ZNF350: variants seen among roughly 807,000 people sequenced by gnomAD.
ZNF350 encodes the protein zinc finger protein 350.
In ZNF350, 5 loss-of-function variants were observed where a neutral mutation model predicts 13.1. That is an observed-to-expected ratio of 0.38 (90% CI 0.20 to 0.80). The LOEUF (loss-of-function observed/expected upper bound fraction) is 0.80. ZNF350 is among the 30% of genes least tolerant of loss of function. The pLI is 0.43. For synonymous variants in ZNF350, 199 were observed against 224.2 expected, an observed-to-expected ratio of 0.89 and a Z score of 1.00; for missense variants, 534 against 644.2, an observed-to-expected ratio of 0.83 and a Z score of 1.85.
At position 51,974,540 on chromosome 19, in the gene ZNF350, T is replaced by C; in HGVS notation, c.-171-9A>G. ...TCCTGAGGAGTCAGAACCTGTGGGTTGAAGAGCAAATTCAATGTAAGTGGT... is the reference window on the plus strand; with the variant it reads ...TCCTGAGGAGTCAGAACCTGTGGGTCGAAGAGCAAATTCAATGTAAGTGGT... On this transcript the variant is annotated splice_polypyrimidine_tract_variant and intron_variant, in intron 1 of 4. Transcript: ENST00000243644. The C allele has an allele frequency of 1.5e-6, 1 of 659,480 alleles. No individual in the cohort carries two copies. The highest frequency in any genetic ancestry group is 2.5e-5 in the East Asian group (1 of 39,230). 40.9% of individuals were successfully genotyped at this position (659,480 alleles called of 1,614,324 possible). A position where few individuals can be genotyped will look rare whatever the true frequency, so the allele number is the denominator to read the frequency against.
chr19:51,981,169 C>T (rs1403525560), intron 1 of ZNF350: 1 of 152,216 alleles, frequency 6.6e-6, no homozygotes, highest in African/African-American at 2.4e-5. Context: ...GAGGCAATCA[C>T]TCCCTGGCAC....
At chr19:51,979,547 A>G (rs888710250) in intron 1 of ZNF350, among the ~76,000 whole-genome samples, 1 of 152,234 alleles carries the variant, frequency 6.6e-6, no homozygotes, top group Non-Finnish European at 1.5e-5. Context: ...TGGTTGAGTC[A>G]CTATGGAAAA....
intron 1 of ZNF350, among the ~76,000 whole-genome samples, chr19:51,986,166 C>T (rs909202719): frequency 4.6e-5 from 7 of 152,124 alleles, no homozygotes; most frequent in African/African-American, 1.7e-4. Flanking sequence ...AACTTGACCC[C>T]CCGATCTGTA....
intron 4 of ZNF350, among the ~76,000 whole-genome samples, chr19:51,966,721 C>G (rs1053091249): frequency 6.6e-6 from 1 of 151,702 alleles, no homozygotes; most frequent in Admixed American, 6.6e-5. Flanking sequence ...GATCCCGGCT[C>G]ACTGCAACCT....
chr19:51,967,616 G>A (rs1327547419), intron 4 of ZNF350, among the ~76,000 whole-genome samples: 1 of 152,082 alleles, frequency 6.6e-6, no homozygotes, highest in African/African-American at 2.4e-5. Flanking sequence ...GGTGTCATCA[G>A]AATACGATGG....
rs957263407 is a variant in ZNF350 at position 51,976,537 on chromosome 19, G to A, written c.-171-2006C>T. On this transcript the variant is annotated intron_variant, in intron 1 of 4. Transcript: ENST00000243644. The surrounding 1 kb of genome is among the most constrained non-coding windows in gnomAD (Gnocchi z 4.5). The stretch of plus-strand genomic sequence containing the variant: ...GGAACTGAAATTGACAAGGCGAAAG[G>A]GGACCCTGGGAAGAGTCTGCCGGCA... The A allele has an allele frequency of 6.6e-6, 1 of 152,330 alleles. No homozygotes were observed. Among genetic ancestry groups the A allele is most frequent in the African/African-American group, 2.4e-5 (1 of 41,444 alleles). 9.4% of individuals were successfully genotyped at this position (152,330 alleles called of 1,614,324 possible). A position where few individuals can be genotyped will look rare whatever the true frequency, so the allele number is the denominator to read the frequency against.
At chr19:51,975,429 T>TAA (rs202054246) in intron 1 of ZNF350, among the ~76,000 whole-genome samples, 7,062 of 88,680 alleles carry the variant, frequency 0.08, 425 homozygotes, top group South Asian at 0.21. Context: ...AACCTCGTCT[T>TAA]AAAAAAAAAA....
At position 51,964,892 on chromosome 19, in the gene ZNF350, T is replaced by A. The variant is rs1380641670; in HGVS notation, c.1561A>T (p.Ile521Phe). 1.9e-6 allele frequency: 3 copies of A among 1,612,924 alleles called. No homozygotes were observed. Among genetic ancestry groups the A allele is most frequent in the Non-Finnish European group, 2.5e-6 (3 of 1,179,124 alleles). ...NAVNVVVPSV[I>F]NYVLFYVTEN... ...GTAACATAAAATAAGACATAATTGA[T>A]CACGGAAGGCACAACCACATTCACT... is the stretch of plus-strand genomic sequence containing the variant. The change falls in exon 5 of 5, where the codon ATC becomes TTC. Residue 521 changes from isoleucine (I) to phenylalanine (F), a missense_variant. Physicochemically the swap from Ile to Phe is conservative, Grantham distance 21 (BLOSUM62 0). Coordinates refer to ENST00000243644, the MANE Select transcript of ZNF350 (RefSeq NM_021632.4).
intron 1 of ZNF350, among the ~76,000 whole-genome samples, chr19:51,979,310 G>T (rs796429477): frequency 6.6e-6 from 1 of 152,092 alleles, no homozygotes; most frequent in African/African-American, 2.4e-5. Context: ...TTGGGCATAT[G>T]TTCCCAATCC....
chr19:51,975,196 C>T (rs2085849405), intron 1 of ZNF350, among the ~76,000 whole-genome samples: 1 of 152,162 alleles, frequency 6.6e-6, no homozygotes, highest in African/African-American at 2.4e-5. Context: ...AGTCCAGGCA[C>T]AGTGGCTCAC....
At chr19:51,982,473 G>C (rs529388715) in intron 1 of ZNF350, among the ~76,000 whole-genome samples, 5 of 152,066 alleles carry the variant, frequency 3.3e-5, no homozygotes, top group South Asian at 4.1e-4. Context: ...TGACATAAAC[G>C]ATATCATTTA....
Position 51,986,837 on chromosome 19 carries a change from G to A in ZNF350, c.-239C>T, listed in dbSNP as rs2086167979. On this transcript the variant is annotated 5_prime_UTR_variant, in exon 1 of 5. Transcript: ENST00000243644. The stretch of plus-strand genomic sequence containing the variant: ...CTTCCGTAAACTGCTCCTACTTCTG[G>A]AGTCCTCGCACGGGTTTATGGTCCA... 1 of 152,122 alleles carries A rather than the reference G, an allele frequency of 6.6e-6. No homozygotes were observed. Among genetic ancestry groups the A allele is most frequent in the Non-Finnish European group, 1.5e-5 (1 of 68,046 alleles). 9.4% of individuals were successfully genotyped at this position (152,122 alleles called of 1,614,324 possible).
chr19:51,969,272 A>C lies in ZNF350; in HGVS notation c.16-141T>G, dbSNP rs1455844374. Reference sequence around the variant, plus strand: ...TTTTTTAATACAATGTGGAAGAAGTAAAGTCCTAATATAATATTCTGTAAC... The same window carrying C: ...TTTTTTAATACAATGTGGAAGAAGTCAAGTCCTAATATAATATTCTGTAAC... On this transcript the variant is annotated intron_variant, in intron 2 of 4. Transcript: ENST00000243644. 4.4e-6 allele frequency: 4 copies of C among 912,064 alleles called. No individual in the cohort carries two copies. In the East Asian group the frequency reaches 1.1e-4, roughly 26 times the overall value. 56.5% of individuals were successfully genotyped at this position (912,064 alleles called of 1,614,324 possible).
chr19:51,971,809 T>C (rs1216002294), intron 2 of ZNF350, among the ~76,000 whole-genome samples: 1 of 152,168 alleles, frequency 6.6e-6, no homozygotes, highest in African/African-American at 2.4e-5. Flanking sequence ...TTCACCCCAC[T>C]GTGTTCAGTC....
chr19:51,982,726 G>A (rs1032692995), intron 1 of ZNF350, among the ~76,000 whole-genome samples: 1 of 152,056 alleles, frequency 6.6e-6, no homozygotes, highest in African/African-American at 2.4e-5. Context: ...TGCCATATCA[G>A]TTATGAGGAC....
chr19:51,975,010 TAGG>T (rs1207258174), intron 1 of ZNF350, among the ~76,000 whole-genome samples: 2 of 152,252 alleles, frequency 1.3e-5, no homozygotes, highest in African/African-American at 4.8e-5. Flanking sequence ...GACAATATTT[TAGG>T]AGGTTTTAAA....
chr19:51,980,038 A>C (rs1306401073), intron 1 of ZNF350, among the ~76,000 whole-genome samples: 1 of 152,252 alleles, frequency 6.6e-6, no homozygotes, highest in East Asian at 1.9e-4. Context: ...TAGCAATAGT[A>C]AGCAACACAG....
At chr19:51,974,296 A>G (rs780187244) in intron 2 of ZNF350, 50 bp downstream of exon 2, 13 of 1,601,726 alleles carry the variant, frequency 8.1e-6, no homozygotes, top group Admixed American at 1.7e-5. Flanking sequence ...GGCTTCTACA[A>G]ATCTATTATG....
At chr19:51,972,781 AG>A (rs1327749020) in intron 2 of ZNF350, among the ~76,000 whole-genome samples, 1 of 152,110 alleles carries the variant, frequency 6.6e-6, no homozygotes, top group Non-Finnish European at 1.5e-5. Context: ...GAAGTGGATT[AG>A]GAAGAAAATA....
Sources: gnomAD v4.1 joint callset for allele counts (sites outside exome capture counted in the v4.1 genomes callset) on GRCh38, gnomAD v4.1.1 for gene constraint, Gnocchi (gnomAD v3.1) non-coding constraint, MANE v1.5 for transcripts, NCBI Gene and HGNC (gene_info 2026-07-23, HGNC 2026-07-21) for gene names.